The following NPNT variants were observed in gnomAD, a reference collection of about 807,000 sequenced individuals.
NPNT encodes the protein preosteoblast EGF-like repeat protein with MAM domain.
NPNT carries 45 observed loss-of-function variants against 68.6 expected under a neutral mutation model. The ratio of observed to expected loss-of-function variants is 0.66; its 90% CI spans 0.52 to 0.84. The LOEUF (loss-of-function observed/expected upper bound fraction) is 0.84, where lower values mean the gene tolerates loss of function less well. NPNT is among the 40% of genes least tolerant of loss of function. The pLI, the probability that NPNT is intolerant of heterozygous loss-of-function variation, is 0.00. For missense variants in NPNT, 672 were observed against 714.8 expected, an observed-to-expected ratio of 0.94 and a Z score of 0.68; for synonymous variants, 233 against 253.3, an observed-to-expected ratio of 0.92 and a Z score of 0.76.
At chr4:105,924,214 T>G (rs1467793952) in intron 2 of NPNT, among the ~76,000 whole-genome samples, 3 of 152,168 alleles carry the variant, frequency 2.0e-5, no homozygotes, top group Non-Finnish European at 4.4e-5. Context: ...CAATATATTT[T>G]AGTTCCACAG....
chr4:105,941,646 T>A (rs1729962920), intron 7 of NPNT, among the ~76,000 whole-genome samples: 1 of 152,232 alleles, frequency 6.6e-6, no homozygotes, highest in African/African-American at 2.4e-5. Context: ...TAAATATTGA[T>A]TCTTTTTGAT....
intron 2 of NPNT, among the ~76,000 whole-genome samples, chr4:105,913,900 G>C (rs966041776): frequency 6.6e-6 from 1 of 152,120 alleles, no homozygotes; most frequent in Non-Finnish European, 1.5e-5. Context: ...ATTGAAGGGA[G>C]ATGGAATTGA....
At chr4:105,955,271 C>T (rs1731130946) in intron 8 of NPNT, among the ~76,000 whole-genome samples, 1 of 152,106 alleles carries the variant, frequency 6.6e-6, no homozygotes, top group Admixed American at 6.6e-5. Flanking sequence ...CAATGTCTAT[C>T]CTGGTTATAG....
intron 8 of NPNT, among the ~76,000 whole-genome samples, chr4:105,952,210 C>T (rs1730889879): frequency 6.6e-6 from 1 of 152,116 alleles, no homozygotes; most frequent in Non-Finnish European, 1.5e-5. Flanking sequence ...TGGTTCATTA[C>T]AATTTTAATG....
intron 2 of NPNT, among the ~76,000 whole-genome samples, chr4:105,925,391 C>T (rs1253805408): frequency 6.6e-6 from 1 of 151,694 alleles, no homozygotes; most frequent in Non-Finnish European, 1.5e-5. Context: ...GGATGACAAA[C>T]AGGCAAGGAA....
At chr4:105,958,446 A>C (rs770680504) in intron 8 of NPNT, 25 bp from the exon 9 acceptor site, 77 of 1,498,688 alleles carry the variant, frequency 5.1e-5, no homozygotes, top group East Asian at 3.6e-4. Flanking sequence ...CACACACACA[A>C]AAACTCAAAA....
At chr4:105,927,454 C>T in intron 3 of NPNT, 26 bp downstream of exon 3, 2 of 1,428,732 alleles carry the variant, frequency 1.4e-6, no homozygotes, top group Middle Eastern at 1.8e-4. Context: ...GACATAAATA[C>T]ACAATCGAAG....
chr4:105,930,405 T>C (rs1192473451), intron 3 of NPNT, among the ~76,000 whole-genome samples: 1 of 152,192 alleles, frequency 6.6e-6, no homozygotes, highest in Non-Finnish European at 1.5e-5. Flanking sequence ...GAGGGCCCTG[T>C]CAGGATCAGG....
At chr4:105,898,716 CAA>C (rs1201702935) in intron 2 of NPNT, among the ~76,000 whole-genome samples, 1 of 152,136 alleles carries the variant, frequency 6.6e-6, no homozygotes, top group Non-Finnish European at 1.5e-5. Context: ...TCTGTGACCA[CAA>C]ATGGATATTT....
intron 2 of NPNT, among the ~76,000 whole-genome samples, chr4:105,926,604 A>G (rs1023229671): frequency 2.6e-5 from 4 of 152,228 alleles, no homozygotes; most frequent in Admixed American, 6.5e-5. Flanking sequence ...AAACGGAATA[A>G]ATTCCAATTA....
chr4:105,918,664 G>A (rs1249546905), intron 2 of NPNT, among the ~76,000 whole-genome samples: 1 of 152,024 alleles, frequency 6.6e-6, no homozygotes, highest in Non-Finnish European at 1.5e-5. Context: ...GCTTACTTCT[G>A]TTTCTCCTTA....
At chr4:105,927,161 T>C (rs962229903) in intron 2 of NPNT, 175 bp from the exon 3 acceptor site, 7 of 382,030 alleles carry the variant, frequency 1.8e-5, no homozygotes, top group Admixed American at 8.6e-5. Flanking sequence ...ACATAACACA[T>C]GTGTGTGTGT....
intron 4 of NPNT, 33 bp downstream of exon 4, chr4:105,937,161 C>A: frequency 6.2e-7 from 1 of 1,609,076 alleles, no homozygotes; most frequent in Non-Finnish European, 8.5e-7. Flanking sequence ...TTTATAAGTG[C>A]TTTGGGCTTG....
intron 2 of NPNT, among the ~76,000 whole-genome samples, chr4:105,904,190 AAC>A (rs1417193566): frequency 1.3e-5 from 2 of 152,294 alleles, no homozygotes; most frequent in African/African-American, 4.8e-5. Flanking sequence ...ATTTTTTGCT[AAC>A]ACAAGCAATT....
intron 2 of NPNT, 192 bp downstream of exon 2, chr4:105,898,193 C>A (rs1198085715): frequency 1.2e-5 from 5 of 413,830 alleles, no homozygotes; most frequent in Non-Finnish European, 2.1e-5. Flanking sequence ...TGTATTACGG[C>A]CCAGCTTTGT....
At chr4:105,900,896 G>A (rs1275129871) in intron 2 of NPNT, among the ~76,000 whole-genome samples, 1 of 138,962 alleles carries the variant, frequency 7.2e-6, no homozygotes, top group Admixed American at 7.8e-5. Context: ...CAGATCTCTA[G>A]CATATTGAAA....
At position 105,957,914 on chromosome 4, in the gene NPNT, G is replaced by T. The variant is rs182104044; in HGVS notation, c.1160-557G>T. On this transcript the variant is annotated intron_variant, in intron 8 of 11. Transcript: ENST00000379987. Reference sequence around the variant, plus strand: ...TTGGTGGGGTAGATTGTAAACTCTGGCCCAAGAAGTTTGAGTTTGATCTTA... The same window carrying T: ...TTGGTGGGGTAGATTGTAAACTCTGTCCCAAGAAGTTTGAGTTTGATCTTA... Among the ~76,000 whole-genome samples, 350 of 152,232 alleles carry T rather than the reference G, an allele frequency of 2.3e-3. 2 individuals are homozygous for T. The highest frequency in any genetic ancestry group is 8.1e-3 in the African/African-American group (335 of 41,536).
At chr4:105,946,086 T>G (rs1357897473) in intron 8 of NPNT, among the ~76,000 whole-genome samples, 1 of 152,208 alleles carries the variant, frequency 6.6e-6, no homozygotes, top group Admixed American at 6.5e-5. Context: ...GAGTTATAAT[T>G]AAAAGTATTG....
intron 2 of NPNT, among the ~76,000 whole-genome samples, chr4:105,900,834 GTT>G (rs765343668): frequency 2.5e-3 from 241 of 96,590 alleles, no homozygotes; most frequent in African/African-American, 9.3e-3. Context: ...ACCCTTGGTT[GTT>G]TTTTTTTTTT....
Sources: gnomAD v4.1 joint callset for allele counts (sites outside exome capture counted in the v4.1 genomes callset) on GRCh38, gnomAD v4.1.1 for gene constraint, MANE v1.5 for transcripts, NCBI Gene and HGNC (gene_info 2026-07-23, HGNC 2026-07-21) for gene names.